Variants in HS3ST3A1 observed in about 807,000 individuals in gnomAD.
The protein encoded by HS3ST3A1 is heparan sulfate-glucosamine 3-sulfotransferase 3A1.
HS3ST3A1 carries 19 observed loss-of-function variants against 25.7 expected under a neutral mutation model. The ratio of observed to expected loss-of-function variants is 0.74; its 90% CI spans 0.52 to 1.08. The LOEUF is 1.08. HS3ST3A1 is among the 50% of genes least tolerant of loss of function. The pLI is 0.00. For missense variants in HS3ST3A1, 459 were observed against 594.3 expected (o/e 0.77, Z 2.37); for synonymous variants, 226 against 278.6 (o/e 0.81, Z 1.88).
rs1244119690 is a variant in HS3ST3A1, at chr17:13,495,081, A to T, written c.*1116T>A. 1.4e-4 allele frequency among the ~76,000 whole-genome samples: 21 copies of T among 152,230 alleles called. No individual in the cohort carries two copies. Among genetic ancestry groups the T allele is most frequent in the Admixed American group, 1.4e-3 (21 of 15,278 alleles). On this transcript the variant is annotated 3_prime_UTR_variant, in exon 2 of 2. Coordinates refer to ENST00000284110, the MANE Select transcript of HS3ST3A1 (RefSeq NM_006042.3). Reference sequence around the variant, plus strand: ...AAGAAAGGTAGGTTTTCTCTCTTTAAAAAGAGGTAAACTAAAAAACAAATG... The same window carrying T: ...AAGAAAGGTAGGTTTTCTCTCTTTATAAAGAGGTAAACTAAAAAACAAATG...
intron 1 of HS3ST3A1, among the ~76,000 whole-genome samples, chr17:13,519,181 G>A (rs908402757): frequency 1.3e-5 from 2 of 152,144 alleles, no homozygotes; most frequent in African/African-American, 4.8e-5. Context: ...CATTTTCTCT[G>A]CTTAATGTGT....
intron 1 of HS3ST3A1, among the ~76,000 whole-genome samples, chr17:13,548,048 T>A (rs10521225): frequency 6.6e-6 from 1 of 151,948 alleles, no homozygotes. Context: ...GTCTAAATTC[T>A]CACTTTCACA....
intron 1 of HS3ST3A1, among the ~76,000 whole-genome samples, chr17:13,595,636 T>C (rs1019595334): frequency 6.6e-6 from 1 of 152,222 alleles, no homozygotes; most frequent in Non-Finnish European, 1.5e-5. Context: ...ACAAATTTTC[T>C]AAAAGCTTGG....
intron 1 of HS3ST3A1, among the ~76,000 whole-genome samples, chr17:13,501,579 G>A (rs1039672613): frequency 6.6e-6 from 1 of 152,176 alleles, no homozygotes; most frequent in Non-Finnish European, 1.5e-5. Flanking sequence ...AACGAGGTTT[G>A]TGGTCCATGC....
intron 1 of HS3ST3A1, among the ~76,000 whole-genome samples, chr17:13,527,470 C>T (rs1248310540): frequency 6.6e-6 from 1 of 152,142 alleles, no homozygotes; most frequent in Admixed American, 6.5e-5. Flanking sequence ...ACCAAGAAGA[C>T]AGACATCACC....
chr17:13,499,156 T>C (rs1391713424), intron 1 of HS3ST3A1, among the ~76,000 whole-genome samples: 1 of 152,218 alleles, frequency 6.6e-6, no homozygotes, highest in Non-Finnish European at 1.5e-5. Context: ...GAGAGTTTGG[T>C]GTTGACACAA....
intron 1 of HS3ST3A1, among the ~76,000 whole-genome samples, chr17:13,587,178 G>T (rs935506303): frequency 6.6e-6 from 1 of 151,704 alleles, no homozygotes; most frequent in Admixed American, 6.6e-5. Flanking sequence ...CTTTGAGGCC[G>T]GGCACGGTGG....
chr17:13,501,904 G>A (rs1201802142), intron 1 of HS3ST3A1, among the ~76,000 whole-genome samples: 1 of 152,206 alleles, frequency 6.6e-6, no homozygotes, highest in Non-Finnish European at 1.5e-5. Context: ...TGGTTTGAAG[G>A]CCATGAGCTG....
chr17:13,600,742 C>A lies in HS3ST3A1; in HGVS notation c.388G>T (p.Gly130Ter). Reference sequence around the variant, plus strand: ...GGCGGGGCCTCGGCCACGGTGCTTCCGGCCCCGGAGCCGCCCGGACCCCCT... The same window carrying A: ...GGCGGGGCCTCGGCCACGGTGCTTCAGGCCCCGGAGCCGCCCGGACCCCCT... Reference protein sequence around the residue: ...LSGGPGGSGAGSTVAEAPPGT... With the variant: ...LSGGPGGSGA The change falls in exon 1 of 2, where the codon GGA becomes TGA. Residue 130 changes from glycine to a stop codon, truncating the protein, a stop_gained. Transcript: ENST00000284110. LOFTEE classifies it high-confidence loss of function. 1 of 1,530,560 alleles carries A rather than the reference C, an allele frequency of 6.5e-7. No homozygotes were observed. The allele number at this position is 1,530,560 out of a possible 1,614,324, so 94.8% of individuals were successfully genotyped here. A position where few individuals can be genotyped will look rare whatever the true frequency, so the allele number is the denominator to read the frequency against.
chr17:13,509,081 C>T (rs1905778764), intron 1 of HS3ST3A1, among the ~76,000 whole-genome samples: 1 of 151,768 alleles, frequency 6.6e-6, no homozygotes, highest in Admixed American at 6.6e-5. Flanking sequence ...AAAGGAAGTA[C>T]TTCCTGGCAT....
intron 1 of HS3ST3A1, among the ~76,000 whole-genome samples, chr17:13,541,056 T>C (rs7224721): frequency 0.33 from 50,721 of 152,100 alleles, 8,589 homozygotes; most frequent in African/African-American, 0.37. Context: ...TGTTTTAAAC[T>C]GAAAGCTATG....
intron 1 of HS3ST3A1, among the ~76,000 whole-genome samples, chr17:13,559,409 T>G (rs965138238): frequency 1.1e-4 from 16 of 151,806 alleles, no homozygotes; most frequent in Non-Finnish European, 2.2e-4. Flanking sequence ...AGTAAAAATA[T>G]TTTTGAAAAT....
chr17:13,506,943 C>T (rs1250970956), intron 1 of HS3ST3A1, among the ~76,000 whole-genome samples: 1 of 151,260 alleles, frequency 6.6e-6, no homozygotes, highest in Non-Finnish European at 1.5e-5. Flanking sequence ...GGGGTGGAGC[C>T]TTGTAATCCC....
rs1906352644 is a variant in HS3ST3A1, at chr17:13,524,611, T to C, written c.600-27793A>G. Among the ~76,000 whole-genome samples, 2 of 152,184 alleles carry C rather than the reference T, an allele frequency of 1.3e-5. 1 individual carries two copies. The highest frequency in any genetic ancestry group is 1.3e-4 in the Admixed American group (2 of 15,274). On this transcript the variant is annotated intron_variant, in intron 1 of 1. Coordinates refer to ENST00000284110, the MANE Select transcript of HS3ST3A1 (RefSeq NM_006042.3). ...CCAATTGCTCTGGCAAAAGTTCAAA[T>C]GAATGTATTAGAATATTCCACCAGT...
chr17:13,546,038 G>T (rs1598422100), intron 1 of HS3ST3A1, among the ~76,000 whole-genome samples: 2 of 152,050 alleles, frequency 1.3e-5, no homozygotes, highest in East Asian at 3.9e-4. Context: ...AGCTCTGGGG[G>T]TCGTTTGAGA....
At chr17:13,542,059 G>A (rs911279918) in intron 1 of HS3ST3A1, among the ~76,000 whole-genome samples, 3 of 152,134 alleles carry the variant, frequency 2.0e-5, no homozygotes, top group East Asian at 3.9e-4. Context: ...CGGGCACAGT[G>A]GTTCATGCCT....
intron 1 of HS3ST3A1, among the ~76,000 whole-genome samples, chr17:13,551,952 C>A (rs1016505042): frequency 1.3e-5 from 2 of 152,214 alleles, no homozygotes; most frequent in African/African-American, 4.8e-5. Flanking sequence ...AAAATAGGAA[C>A]CCTGTCTGAA....
At chr17:13,513,209 T>A (rs1181973540) in intron 1 of HS3ST3A1, among the ~76,000 whole-genome samples, 1 of 152,112 alleles carries the variant, frequency 6.6e-6, no homozygotes, top group Non-Finnish European at 1.5e-5. Flanking sequence ...AGCTAAACTT[T>A]CCAGATGAGG....
rs1486989388 is a variant in HS3ST3A1 at position 13,600,998 on chromosome 17, C to T, written c.132G>A (p.Glu44=). The T allele has an allele frequency of 1.3e-6, 2 of 1,576,924 alleles. No individual in the cohort carries two copies. Among genetic ancestry groups the T allele is most frequent in the South Asian group, 1.2e-5 (1 of 86,158 alleles). Residue 44 remains glutamate (E), a synonymous_variant, in exon 1 of 2, where the codon GAG becomes GAA. Coordinates refer to ENST00000284110, the MANE Select transcript of HS3ST3A1 (RefSeq NM_006042.3). ...CGGGGCCGGACAGGGTCTGGCAGCGCTCGGCCAGGCAGTAGAAGACGTAAA... is the reference window on the plus strand; with the variant it reads ...CGGGGCCGGACAGGGTCTGGCAGCGTTCGGCCAGGCAGTAGAAGACGTAAA... ...TSLYVFYCLA[E]RCQTLSGPVV... is the part of the protein sequence containing the mutation.
Sources: allele counts gnomAD v4.1 joint callset (sites outside exome capture counted in the v4.1 genomes callset), GRCh38; gene constraint gnomAD v4.1.1; transcripts MANE v1.5; gene names NCBI Gene and HGNC (gene_info 2026-07-23, HGNC 2026-07-21).